Variants in RCN3 observed in about 807,000 individuals in gnomAD.
RCN3 encodes reticulocalbin 3, also known as reticulocalbin-3.
RCN3 carries 41 observed loss-of-function variants against 35.9 expected under a neutral mutation model. The ratio of observed to expected loss-of-function variants is 1.14; its 90% CI spans 0.89 to 1.48. The LOEUF (loss-of-function observed/expected upper bound fraction) is 1.48, where lower values mean the gene tolerates loss of function less well. RCN3 is among the 40% of genes most tolerant of loss of function. RCN3 has a pLI of 0.00. For synonymous variants in RCN3, 187 were observed against 193.4 expected (o/e 0.97, Z 0.27); for missense variants, 451 against 471.3 (o/e 0.96, Z 0.40).
At chr19:49,541,336 A>AG (rs1188048706) in intron 5 of RCN3, among the ~76,000 whole-genome samples, 1 of 152,164 alleles carries the variant, frequency 6.6e-6, no homozygotes, top group Non-Finnish European at 1.5e-5. Flanking sequence ...CCTGAGGCCC[A>AG]GGGGGGTTGA....
chr19:49,537,953 G>T (rs1271463321), intron 4 of RCN3, among the ~76,000 whole-genome samples: 1 of 150,876 alleles, frequency 6.6e-6, no homozygotes, highest in Non-Finnish European at 1.5e-5. Flanking sequence ...AATGTGCTTT[G>T]TTCTATAGAA....
At chr19:49,528,233 T>A in intron 1 of RCN3, 175 bp downstream of exon 1, 1 of 452,474 alleles carries the variant, frequency 2.2e-6, no homozygotes, top group Non-Finnish European at 3.9e-6. Context: ...CCCTGGCAGG[T>A]CTGGGACCCC....
Position 49,542,046 on chromosome 19 carries a change from C to T in RCN3, c.680-507C>T, listed in dbSNP as rs533922799. On this transcript the variant is annotated intron_variant, in intron 5 of 6. Transcript: ENST00000270645. ...CTGGAGTGCAGTGGGGTAATCACAGCGAGACTCCATCTCAAAAAAAAAAAA... is the reference window on the plus strand; with the variant it reads ...CTGGAGTGCAGTGGGGTAATCACAGTGAGACTCCATCTCAAAAAAAAAAAA... 2.0e-4 allele frequency among the ~76,000 whole-genome samples: 29 copies of T among 146,096 alleles called. No homozygotes were observed. In the South Asian group the frequency reaches 5.4e-3, roughly 27 times the overall value.
chr19:49,543,073 G>T, intron 6 of RCN3, 33 bp from the exon 7 acceptor site: 2 of 1,568,756 alleles, frequency 1.3e-6, no homozygotes, highest in Non-Finnish European at 1.8e-6. Context: ...GCAGGGCCGT[G>T]TTGTCCCCTC....
Position 49,534,284 on chromosome 19 carries a change from C to A in RCN3, c.334C>A (p.Arg112=). The A allele has an allele frequency of 6.8e-7, 1 of 1,471,082 alleles. No individual in the cohort carries two copies. Among genetic ancestry groups the A allele is most frequent in the Non-Finnish European group, 9.0e-7 (1 of 1,113,632 alleles). 91.1% of individuals were successfully genotyped at this position (1,471,082 alleles called of 1,614,324 possible). ...CGCGTGGATCGCGCACACGCAGCAGCGGCACATACGGGACTCGGTGAGCGC... is the reference window on the plus strand; with the variant it reads ...CGCGTGGATCGCGCACACGCAGCAGAGGCACATACGGGACTCGGTGAGCGC... ...LRAWIAHTQQ[R]HIRDSVSAAW... The change falls in exon 3 of 7, where the codon CGG becomes AGG. Residue 112 remains arginine (R), a synonymous_variant. Coordinates refer to ENST00000270645, the MANE Select transcript of RCN3 (RefSeq NM_020650.3).
intron 3 of RCN3, among the ~76,000 whole-genome samples, chr19:49,535,861 A>AATATATAT (rs1555811304): frequency 4.9e-5 from 7 of 142,746 alleles, no homozygotes; most frequent in African/African-American, 1.6e-4. Flanking sequence ...AAAAAAAAAA[A>AATATATAT]ATATATATAT....
At chr19:49,542,861 A>AT in intron 6 of RCN3, 109 bp downstream of exon 6, 1 of 1,093,558 alleles carries the variant, frequency 9.1e-7, no homozygotes, top group East Asian at 2.6e-5. Context: ...TTTAGGTGGG[A>AT]TAAAAAAAGA....
intron 1 of RCN3, 80 bp from the exon 2 acceptor site, chr19:49,528,387 C>G (rs979387724): frequency 8.9e-6 from 12 of 1,345,218 alleles, no homozygotes; most frequent in African/African-American, 6.1e-5. Context: ...CCTAGGTAAC[C>G]CCTCCACCCC....
At chr19:49,539,593 C>T (rs912909612) in intron 5 of RCN3, among the ~76,000 whole-genome samples, 4 of 135,098 alleles carry the variant, frequency 3.0e-5, no homozygotes, top group Non-Finnish European at 4.6e-5. Flanking sequence ...AACACTGTTT[C>T]CTGTTACATG....
At chr19:49,531,001 A>G (rs1046685468) in intron 2 of RCN3, among the ~76,000 whole-genome samples, 7 of 151,888 alleles carry the variant, frequency 4.6e-5, no homozygotes, top group African/African-American at 1.5e-4. Context: ...GAAAGGGGAG[A>G]GAGTGGGAGG....
Position 49,534,313 on chromosome 19 carries a change from C to G in RCN3, c.363C>G (p.Ala121=), listed in dbSNP as rs2080124090. The G allele has an allele frequency of 6.7e-7, 1 of 1,502,400 alleles. No homozygotes were observed. The highest frequency in any genetic ancestry group is 8.9e-7 in the Non-Finnish European group (1 of 1,127,552). 93.1% of individuals were successfully genotyped at this position (1,502,400 alleles called of 1,614,324 possible). ...ACATACGGGACTCGGTGAGCGCGGC[C>G]TGGGACACGTACGACACGGACCGCG... ...QRHIRDSVSA[A]WDTYDTDRDG... is the part of the protein sequence containing the mutation. The change falls in exon 3 of 7, where the codon GCC becomes GCG. Residue 121 remains alanine (A), a synonymous_variant. Transcript: ENST00000270645.
chr19:49,541,525 G>C (rs974903566), intron 5 of RCN3, among the ~76,000 whole-genome samples: 3 of 152,108 alleles, frequency 2.0e-5, no homozygotes, highest in Admixed American at 1.3e-4. Flanking sequence ...AAGGTGGGTG[G>C]ATCACTTGAG....
At chr19:49,528,231 G>C in intron 1 of RCN3, 173 bp downstream of exon 1, 1 of 449,464 alleles carries the variant, frequency 2.2e-6, no homozygotes, top group South Asian at 6.0e-5. Context: ...CCCCCTGGCA[G>C]GTCTGGGACC....
At position 49,539,123 on chromosome 19, in the gene RCN3, C is replaced by T. The variant is rs146820947; in HGVS notation, c.623C>T (p.Thr208Ile). 2.3e-5 allele frequency: 37 copies of T among 1,602,790 alleles called. No homozygotes were observed. Among genetic ancestry groups the T allele is most frequent in the African/African-American group, 2.0e-4 (15 of 74,480 alleles). ...PHMRDIVIAE[T>I]LEDLDRNKDG... ...CAATGCCCCTTTCTCCTCCAGGAAA[C>T]CCTGGAGGACCTGGACAGAAACAAA... The change falls in exon 5 of 7, where the codon ACC (threonine) becomes ATC (isoleucine). Residue 208 changes from threonine (T) to isoleucine (I), a missense_variant. Coordinates refer to ENST00000270645, the MANE Select transcript of RCN3 (RefSeq NM_020650.3).
At position 49,542,676 on chromosome 19, in the gene RCN3, A is replaced by T; in HGVS notation, c.803A>T (p.His268Leu). Residue 268 changes from histidine (H) to leucine (L), a missense_variant, in exon 6 of 7, where the codon CAC (histidine) becomes CTC (leucine). Physicochemically the swap from His to Leu is moderately conservative, Grantham distance 99. Coordinates refer to ENST00000270645, the MANE Select transcript of RCN3 (RefSeq NM_020650.3). The part of the protein sequence containing the change: ...DGHLDGSEVG[H>L]WVLPPAQDQP... ...CACCTGGATGGGAGTGAGGTGGGCCACTGGGTGCTGCCCCCTGCCCAGGAC... is the reference window on the plus strand; with the variant it reads ...CACCTGGATGGGAGTGAGGTGGGCCTCTGGGTGCTGCCCCCTGCCCAGGAC... 6.3e-7 allele frequency: 1 copy of T among 1,598,820 alleles called. No homozygotes were observed. Among genetic ancestry groups the T allele is most frequent in the Admixed American group, 1.8e-5 (1 of 56,442 alleles).
intron 2 of RCN3, among the ~76,000 whole-genome samples, chr19:49,532,169 G>GAT (rs2080111643): frequency 7.4e-6 from 1 of 135,600 alleles, no homozygotes; most frequent in East Asian, 2.2e-4. Flanking sequence ...GCAACGGCGC[G>GAT]ATCTCGGCTC....
chr19:49,539,091 C>A, intron 4 of RCN3, 28 bp from the exon 5 acceptor site: 1 of 1,562,552 alleles, frequency 6.4e-7, no homozygotes, highest in Non-Finnish European at 8.7e-7. Context: ...TCATCGGCCC[C>A]CAGCCTCAAT....
intron 2 of RCN3, 52 bp from the exon 3 acceptor site, chr19:49,534,141 C>T (rs374377600): frequency 4.9e-6 from 7 of 1,427,428 alleles, no homozygotes; most frequent in Admixed American, 2.6e-5. Context: ...GTGCGAGGGG[C>T]GGGGCCTGGG....
At chr19:49,540,018 C>T (rs111562439) in intron 5 of RCN3, among the ~76,000 whole-genome samples, 15,466 of 151,702 alleles carry the variant, frequency 0.1, 1,020 homozygotes, top group African/African-American at 0.18. Flanking sequence ...CAACCACGCC[C>T]GGCCAGGAAT....
Sources: allele counts gnomAD v4.1 joint callset (sites outside exome capture counted in the v4.1 genomes callset), GRCh38; gene constraint gnomAD v4.1.1; transcripts MANE v1.5; gene names NCBI Gene and HGNC (gene_info 2026-07-23, HGNC 2026-07-21).